N4BP2: variants seen among roughly 807,000 people sequenced by gnomAD.
The protein encoded by N4BP2 is NEDD4 binding protein 2, also known as NEDD4-binding protein 2.
In N4BP2, 91 loss-of-function variants were observed where a neutral mutation model predicts 152.8. That is an observed-to-expected ratio of 0.60 (90% CI 0.50 to 0.71). The LOEUF (loss-of-function observed/expected upper bound fraction) is 0.71, where lower values mean the gene tolerates loss of function less well. Among genes scored for constraint, N4BP2 ranks in the 30% least tolerant of loss-of-function variants. The pLI is 0.00. For synonymous variants in N4BP2, 646 were observed against 705.3 expected (o/e 0.92, Z 1.33); for missense variants, 1,923 against 2,059.1 (o/e 0.93, Z 1.28).
Position 40,152,797 on chromosome 4 carries a change from G to T in N4BP2, c.5161G>T (p.Gly1721Trp). The change falls in exon 17 of 18, where the codon GGG (glycine) becomes TGG (tryptophan). Residue 1721 changes from glycine to tryptophan, a missense_variant. By Grantham distance (184) the Gly-to-Trp change is radical (BLOSUM62 -2). Coordinates refer to ENST00000261435, the MANE Select transcript of N4BP2 (RefSeq NM_018177.6). ...TGTAACAGAATTTAAGCAGAACGGT[G>T]GGAAGCCCTATTTGTCTGTGATTAC... ...KKTEEFKQNGGKPYLSVITGR... is the reference protein window; with the variant it reads ...KKTEEFKQNGWKPYLSVITGR... 6.2e-7 allele frequency: 1 copy of T among 1,613,984 alleles called. No homozygotes were observed. Among genetic ancestry groups the T allele is most frequent in the Non-Finnish European group, 8.5e-7 (1 of 1,179,926 alleles).
chr4:40,123,453 C>T lies in N4BP2; in HGVS notation c.4284+241C>T, dbSNP rs114648308. ...CCAGACAGCCAAATTATATAATTAG[C>T]GATGGAGCTCATTGTAATTGTTGAT... On this transcript the variant is annotated intron_variant, in intron 10 of 17. Transcript: ENST00000261435. Among the ~76,000 whole-genome samples, 867 of 151,950 alleles carry T rather than the reference C, an allele frequency of 5.7e-3. 8 individuals are homozygous for T. The highest frequency in any genetic ancestry group is 0.02 in the African/African-American group (812 of 41,416).
At chr4:40,131,719 C>A in intron 12 of N4BP2, 82 bp from the exon 13 acceptor site, 1 of 998,976 alleles carries the variant, frequency 1.0e-6, no homozygotes, top group Non-Finnish European at 1.5e-6. Flanking sequence ...AGTAGTTTTG[C>A]AACAAGTTAA....
At position 40,120,032 on chromosome 4, in the gene N4BP2, A is replaced by C; in HGVS notation, c.1921A>C (p.Thr641Pro). Reference sequence around the variant, plus strand: ...CACTGAAGAGAAGAATCTTGATGTAACCAAAGAAACAATGTTACCTGAGAA... The same window carrying C: ...CACTGAAGAGAAGAATCTTGATGTACCCAAAGAAACAATGTTACCTGAGAA... ...EFTEEKNLDV[T>P]KETMLPENVA... Residue 641 changes from threonine (T) to proline (P), a missense_variant, in exon 9 of 18, where the codon ACC becomes CCC. Physicochemically the swap from Thr to Pro is conservative, Grantham distance 38. Transcript: ENST00000261435. 6.2e-7 allele frequency: 1 copy of C among 1,602,856 alleles called. No individual in the cohort carries two copies. The highest frequency in any genetic ancestry group is 8.5e-7 in the Non-Finnish European group (1 of 1,170,714).
Position 40,106,911 on chromosome 4 carries a change from A to G in N4BP2, c.1385A>G (p.Glu462Gly). 1 of 1,606,298 alleles carries G rather than the reference A, an allele frequency of 6.2e-7. No individual in the cohort carries two copies. Among genetic ancestry groups the G allele is most frequent in the South Asian group, 1.1e-5 (1 of 89,428 alleles). ...GKSFLARTLQ[E>G]DNPSGVILST... ...TTTATCTTTCACAGGACTTTGCAAG[A>G]GGATAATCCAAGTGGAGTCATTCTT... is the stretch of plus-strand genomic sequence containing the variant. The change falls in exon 5 of 18, where the codon GAG becomes GGG. Residue 462 changes from glutamate (E) to glycine (G), a missense_variant. Transcript: ENST00000261435.
At position 40,111,997 on chromosome 4, in the gene N4BP2, T is replaced by C. The variant is rs566275855; in HGVS notation, c.1499-87T>C. 8.4e-6 allele frequency: 6 copies of C among 715,368 alleles called. No homozygotes were observed. In the Admixed American group the frequency reaches 1.7e-4, roughly 20 times the overall value. 44.3% of individuals were successfully genotyped at this position (715,368 alleles called of 1,614,324 possible). A position where few individuals can be genotyped will look rare whatever the true frequency, so the allele number is the denominator to read the frequency against. ...GAGTAAAATTAGCACATCATGATTT[T>C]CAAATTATGAAAAGATCAGATTTTT... is the stretch of plus-strand genomic sequence containing the variant. On this transcript the variant is annotated intron_variant, in intron 5 of 17. Coordinates refer to ENST00000261435, the MANE Select transcript of N4BP2 (RefSeq NM_018177.6).
At chr4:40,097,666 A>T (rs1022962229) in intron 3 of N4BP2, 97 bp downstream of exon 3, 1 of 738,062 alleles carries the variant, frequency 1.4e-6, no homozygotes, top group Admixed American at 2.8e-5. Flanking sequence ...TCTTGTTTCT[A>T]TTTTATTCAT....
chr4:40,131,489 A>T (rs1269631174), intron 12 of N4BP2, among the ~76,000 whole-genome samples: 1 of 151,966 alleles, frequency 6.6e-6, no homozygotes, highest in Non-Finnish European at 1.5e-5. Context: ...TAATGATTCA[A>T]TGTGTTGGAT....
At chr4:40,075,281 G>A (rs1291518419) in intron 2 of N4BP2, among the ~76,000 whole-genome samples, 3 of 152,124 alleles carry the variant, frequency 2.0e-5, no homozygotes, top group Non-Finnish European at 2.9e-5. Context: ...ATTATAGACA[G>A]TATTGATGTA....
chr4:40,173,503 G>GA, the N4BP2 span, among the ~76,000 whole-genome samples: 1 of 152,170 alleles, frequency 6.6e-6, no homozygotes, highest in Admixed American at 6.5e-5. Flanking sequence ...AGGTATGAGG[G>GA]AACAGAGGAA....
At chr4:40,182,269 C>T in the N4BP2 span, among the ~76,000 whole-genome samples, 1 of 152,110 alleles carries the variant, frequency 6.6e-6, no homozygotes, top group Non-Finnish European at 1.5e-5. Flanking sequence ...TCATGTGCTT[C>T]GAACAGGACA....
rs147089669 is a variant in N4BP2 at position 40,064,906 on chromosome 4, G to T, written c.-212+7876G>T. On this transcript the variant is annotated intron_variant, in intron 1 of 17. Coordinates refer to ENST00000261435, the MANE Select transcript of N4BP2 (RefSeq NM_018177.6). The stretch of plus-strand genomic sequence containing the variant: ...TGCCTCAGCCTCCTGTACTCAGGAG[G>T]ATTACAGGTATGCACCACCACACTC... Among the ~76,000 whole-genome samples the T allele has an allele frequency of 4.4e-3, 665 of 152,094 alleles. 4 individuals are homozygous for T. The highest frequency in any genetic ancestry group is 0.015 in the African/African-American group (627 of 41,486).
At position 40,124,225 on chromosome 4, in the gene N4BP2, T is replaced by C; in HGVS notation, c.4330+20T>C. The C allele has an allele frequency of 6.3e-7, 1 of 1,581,024 alleles. No individual in the cohort carries two copies. The highest frequency in any genetic ancestry group is 8.7e-7 in the Non-Finnish European group (1 of 1,154,864). On this transcript the variant is annotated intron_variant, in intron 11 of 17. Transcript: ENST00000261435. ...TGCAAGGTAAAGCACATGTTTTTATTTCTAATGTCTTAATGTTGAAATTTG... is the reference window on the plus strand; with the variant it reads ...TGCAAGGTAAAGCACATGTTTTTATCTCTAATGTCTTAATGTTGAAATTTG...
At chr4:40,181,817 CACACA>C in the N4BP2 span, among the ~76,000 whole-genome samples, 6 of 152,200 alleles carry the variant, frequency 3.9e-5, no homozygotes, top group Middle Eastern at 3.2e-3. Flanking sequence ...AGCATGGTGG[CACACA>C]CCGGTAGTCC....
intron 2 of N4BP2, among the ~76,000 whole-genome samples, chr4:40,084,096 A>T (rs758241974): frequency 1.0e-3 from 154 of 152,132 alleles, no homozygotes; most frequent in Non-Finnish European, 1.9e-3. Context: ...GATTACAGGC[A>T]TGCGCCACCA....
intron 16 of N4BP2, among the ~76,000 whole-genome samples, chr4:40,146,030 C>A (rs941987733): frequency 6.6e-6 from 1 of 151,982 alleles, no homozygotes; most frequent in African/African-American, 2.4e-5. Context: ...GGCATGGTGG[C>A]ATGCACCTGT....
At chr4:40,143,147 ATAT>A (rs1221502824) in intron 15 of N4BP2, among the ~76,000 whole-genome samples, 1 of 152,122 alleles carries the variant, frequency 6.6e-6, no homozygotes, top group Non-Finnish European at 1.5e-5. Flanking sequence ...CAGAATATTA[ATAT>A]TGGCCATCTG....
intron 2 of N4BP2, among the ~76,000 whole-genome samples, chr4:40,084,050 C>T (rs1289105898): frequency 6.6e-6 from 1 of 152,218 alleles, no homozygotes; most frequent in Non-Finnish European, 1.5e-5. Flanking sequence ...ACCTCCCCCT[C>T]CTGGGTTCTC....
At chr4:40,181,488 A>G in the N4BP2 span, among the ~76,000 whole-genome samples, 6 of 152,160 alleles carry the variant, frequency 3.9e-5, no homozygotes, top group Non-Finnish European at 7.4e-5. Context: ...GTTTTTCCCT[A>G]CTGTGCAAAT....
chr4:40,111,444 C>T (rs1716874976), intron 5 of N4BP2, among the ~76,000 whole-genome samples: 2 of 152,070 alleles, frequency 1.3e-5, no homozygotes, highest in Admixed American at 1.3e-4. Flanking sequence ...TCTCAGCCTC[C>T]CAAGTAGTTG....
Sources: allele counts gnomAD v4.1 joint callset (sites outside exome capture counted in the v4.1 genomes callset), GRCh38; gene constraint gnomAD v4.1.1; transcripts MANE v1.5; gene names NCBI Gene and HGNC (gene_info 2026-07-23, HGNC 2026-07-21).